Variants in ZNF521 observed in about 807,000 individuals in gnomAD.
ZNF521 encodes the protein LYST-interacting protein 3.
In ZNF521, 14 loss-of-function variants were observed where a neutral mutation model predicts 105.5. That is an observed-to-expected ratio of 0.13 (90% CI 0.09 to 0.21). The LOEUF (loss-of-function observed/expected upper bound fraction) is 0.21. Among genes scored for constraint, ZNF521 ranks in the 10% least tolerant of loss-of-function variants. The pLI is 1.00. For synonymous variants in ZNF521, 635 were observed against 606.0 expected (o/e 1.05, Z -0.70); for missense variants, 1,233 against 1,629.7 (o/e 0.76, Z 4.19).
chr18:25,227,832 T>A lies in ZNF521; in HGVS notation c.221-135A>T. Reference sequence around the variant, plus strand: ...GAAAAAACAAAATGAAAAGAGAGAATATTTGAGTGAGACATTTTCAAATCT... The same window carrying A: ...GAAAAAACAAAATGAAAAGAGAGAAAATTTGAGTGAGACATTTTCAAATCT... On this transcript the variant is annotated intron_variant, in intron 3 of 7. Transcript: ENST00000361524. The surrounding 1 kb of genome is among the most constrained non-coding windows in gnomAD (Gnocchi z 5.7). The A allele has an allele frequency of 1.4e-6, 1 of 714,742 alleles. No homozygotes were observed. The highest frequency in any genetic ancestry group is 2.3e-6 in the Non-Finnish European group (1 of 443,754). The allele number at this position is 714,742 out of a possible 1,614,324, so 44.3% of individuals were successfully genotyped here. A position where few individuals can be genotyped will look rare whatever the true frequency, so the allele number is the denominator to read the frequency against.
chr18:25,123,946 T>C (rs924051445), intron 5 of ZNF521, among the ~76,000 whole-genome samples: 1 of 152,174 alleles, frequency 6.6e-6, no homozygotes, highest in African/African-American at 2.4e-5. Context: ...TTCACTCGAC[T>C]GATTGTTATT....
intron 7 of ZNF521, among the ~76,000 whole-genome samples, chr18:25,074,067 C>T (rs577856504): frequency 2.1e-4 from 28 of 135,470 alleles, no homozygotes; most frequent in Non-Finnish European, 3.7e-4. Context: ...TGTGCGCACG[C>T]GTGTGTGCGT....
intron 4 of ZNF521, among the ~76,000 whole-genome samples, chr18:25,195,867 C>A (rs1235625959): frequency 6.6e-6 from 1 of 151,692 alleles, no homozygotes; most frequent in African/African-American, 2.4e-5. Context: ...TACACAACAG[C>A]CCTGTGAAGT....
intron 7 of ZNF521, among the ~76,000 whole-genome samples, chr18:25,073,365 T>A (rs111348722): frequency 2.2e-4 from 34 of 152,234 alleles, no homozygotes; most frequent in South Asian, 2.1e-4. Context: ...AAATTAACTA[T>A]AATCATATCA....
chr18:25,302,722 C>T (rs1911710961), intron 3 of ZNF521: 1 of 152,190 alleles, frequency 6.6e-6, no homozygotes, highest in African/African-American at 2.4e-5. Context: ...GAGTCCTAGA[C>T]TGCAGTTCTG....
intron 5 of ZNF521, among the ~76,000 whole-genome samples, chr18:25,156,526 A>C (rs2144506369): frequency 1.3e-5 from 2 of 152,362 alleles, no homozygotes; most frequent in South Asian, 4.1e-4. Context: ...TAATGAGCAA[A>C]GTAGAAAGAC....
intron 3 of ZNF521, among the ~76,000 whole-genome samples, chr18:25,262,682 G>A (rs1227628115): frequency 2.0e-5 from 3 of 152,120 alleles, no homozygotes; most frequent in Non-Finnish European, 4.4e-5. Context: ...TAAATACAAG[G>A]AGAAATAAGA....
rs530957731 is a variant in ZNF521 at position 25,092,686 on chromosome 18, T to C, written c.3659-605A>G. Among the ~76,000 whole-genome samples, 4 of 152,278 alleles carry C rather than the reference T, an allele frequency of 2.6e-5. No homozygotes were observed. In the South Asian group the frequency reaches 8.3e-4, roughly 32 times the overall value. On this transcript the variant is annotated intron_variant, in intron 5 of 7. Coordinates refer to ENST00000361524, the MANE Select transcript of ZNF521 (RefSeq NM_015461.3). ...CTTAACTCTGGAAGACAGTTTCAATTTTACCCCCAGAACCAGACTCTGCTT... is the reference window on the plus strand; with the variant it reads ...CTTAACTCTGGAAGACAGTTTCAATCTTACCCCCAGAACCAGACTCTGCTT...
At position 25,224,979 on chromosome 18, in the gene ZNF521, G is replaced by A. The variant is rs1256471171; in HGVS notation, c.2939C>T (p.Thr980Met). 18 of 1,613,904 alleles carry A rather than the reference G, an allele frequency of 1.1e-5. No individual in the cohort carries two copies. The highest frequency in any genetic ancestry group is 3.3e-5 in the Admixed American group (2 of 59,996). ...SLLTLTEHKV[T>M]HSKSLDTGNC... is the part of the protein sequence containing the mutation. ...TCCAGTATCAAGACTCTTACTATGC[G>A]TGACTTTGTGTTCAGTAAGAGTTAA... The change falls in exon 4 of 8, where the codon ACG (threonine) becomes ATG (methionine). Residue 980 changes from threonine to methionine, a missense_variant. This residue lies in a region of ZNF521 where 614 missense variants were observed against 751.5 expected (regional missense o/e 0.82). Transcript: ENST00000361524.
intron 2 of ZNF521, among the ~76,000 whole-genome samples, chr18:25,342,707 C>A (rs1033635600): frequency 1.3e-5 from 2 of 152,106 alleles, no homozygotes; most frequent in Non-Finnish European, 2.9e-5. Context: ...GGATTACAGG[C>A]GTGAGCCACC....
At chr18:25,341,283 A>C (rs1161664702) in intron 2 of ZNF521, among the ~76,000 whole-genome samples, 1 of 152,230 alleles carries the variant, frequency 6.6e-6, no homozygotes, top group African/African-American at 2.4e-5. Context: ...ATTTAATGGA[A>C]TAAGTTCCTT....
chr18:25,157,168 G>A (rs1370713791), intron 5 of ZNF521, among the ~76,000 whole-genome samples: 1 of 152,092 alleles, frequency 6.6e-6, no homozygotes, highest in African/African-American at 2.4e-5. Flanking sequence ...ACTGCCTCCA[G>A]CCTGGGTGAC....
At chr18:25,299,215 G>A (rs1274169563) in intron 3 of ZNF521, among the ~76,000 whole-genome samples, 1 of 152,078 alleles carries the variant, frequency 6.6e-6, no homozygotes, top group African/African-American at 2.4e-5. Context: ...ATGAGGTCTG[G>A]GTAGGAAACC....
chr18:25,345,980 ATCTC>A (rs530533096), intron 2 of ZNF521, among the ~76,000 whole-genome samples: 12 of 152,272 alleles, frequency 7.9e-5, no homozygotes, highest in East Asian at 1.9e-4. Context: ...ATGAAAAAAA[ATCTC>A]TCTCTCTAAT....
intron 3 of ZNF521, among the ~76,000 whole-genome samples, chr18:25,321,807 T>C (rs1278766093): frequency 6.6e-6 from 1 of 152,200 alleles, no homozygotes; most frequent in Non-Finnish European, 1.5e-5. Context: ...TTTAGGTGCA[T>C]TTCAAAATCT....
chr18:25,210,014 G>A (rs1250771123), intron 4 of ZNF521, among the ~76,000 whole-genome samples: 1 of 151,844 alleles, frequency 6.6e-6, no homozygotes, highest in Non-Finnish European at 1.5e-5. Context: ...TATAGTTCTA[G>A]CATTAGATGA....
chr18:25,154,656 TAACTC>T (rs1290410701), intron 5 of ZNF521, among the ~76,000 whole-genome samples: 6 of 152,126 alleles, frequency 3.9e-5, no homozygotes, highest in Non-Finnish European at 7.4e-5. Context: ...TACCTGTAAA[TAACTC>T]AAATCAGATG....
chr18:25,174,577 A>G (rs2035503270), intron 5 of ZNF521, among the ~76,000 whole-genome samples: 1 of 152,226 alleles, frequency 6.6e-6, no homozygotes, highest in African/African-American at 2.4e-5. Context: ...GCAGCTTAGC[A>G]GCTGCACAGG....
At chr18:25,301,017 T>A (rs1451428624) in intron 3 of ZNF521, among the ~76,000 whole-genome samples, 2 of 152,218 alleles carry the variant, frequency 1.3e-5, no homozygotes, top group African/African-American at 4.8e-5. Context: ...TCTATAAACT[T>A]GTTTTTTATT....
Sources: gnomAD v4.1 joint callset for allele counts (sites outside exome capture counted in the v4.1 genomes callset) on GRCh38, gnomAD v4.1.1 for gene constraint, gnomAD v4.1.1 regional missense constraint, Gnocchi (gnomAD v3.1) non-coding constraint, MANE v1.5 for transcripts, NCBI Gene and HGNC (gene_info 2026-07-23, HGNC 2026-07-21) for gene names.